The following RAB30 variants were observed in gnomAD, a reference collection of about 807,000 sequenced individuals.
RAB30 encodes ras-related protein Rab-30.
A neutral mutation model predicts 25.1 loss-of-function variants in RAB30; 9 were observed. That is an observed-to-expected ratio of 0.36 (90% confidence interval 0.22 to 0.63). The LOEUF is 0.63. Ranked by LOEUF, RAB30 falls within the 20% of genes least tolerant of loss-of-function variation. The probability of loss-of-function intolerance (pLI) is 0.69; values close to 1 mark genes in which losing one functional copy is unlikely to be tolerated. For synonymous variants in RAB30, 77 were observed against 86.4 expected, an observed-to-expected ratio of 0.89 and a Z score of 0.60; for missense variants, 140 against 243.5, an observed-to-expected ratio of 0.58 and a Z score of 2.83.
intron 1 of RAB30, among the ~76,000 whole-genome samples, chr11:83,048,038 G>A (rs955993283): frequency 8.5e-5 from 13 of 152,116 alleles, no homozygotes; most frequent in Non-Finnish European, 1.5e-4. Flanking sequence ...GAGGCCAGGA[G>A]TTTGAGATTG....
At chr11:82,998,772 T>G (rs1236915612) in intron 1 of RAB30, among the ~76,000 whole-genome samples, 1 of 151,580 alleles carries the variant, frequency 6.6e-6, no homozygotes, top group Non-Finnish European at 1.5e-5. Flanking sequence ...GCTCTTTTCT[T>G]AAGGTGTAGG....
chr11:83,007,341 A>G (rs1857205927), intron 1 of RAB30, among the ~76,000 whole-genome samples: 3 of 152,226 alleles, frequency 2.0e-5, no homozygotes, highest in African/African-American at 7.2e-5. Flanking sequence ...TTTTCAAGAT[A>G]TGCAAAAAGT....
In RAB30 at chr11:82,976,296, T is replaced by G. The variant is rs544276811; in HGVS notation, c.*5869A>C. 87 of 152,344 alleles carry G rather than the reference T, an allele frequency of 5.7e-4. No individual in the cohort carries two copies. The highest frequency in any genetic ancestry group is 2.0e-3 in the African/African-American group (82 of 41,584). 9.4% of individuals were successfully genotyped at this position (152,344 alleles called of 1,614,324 possible). ...GAACTAATATTTGAGTGCTAACTGT[T>G]TACCAAGCACTGTACTTTCAACTTA... is the stretch of plus-strand genomic sequence containing the variant. On this transcript the variant is annotated 3_prime_UTR_variant, in exon 5 of 5. Transcript: ENST00000527633.
chr11:82,988,024 AAG>A lies in RAB30; in HGVS notation c.178-256_178-255del, dbSNP rs139416107. Among the ~76,000 whole-genome samples the A allele has an allele frequency of 1.9e-4, 29 of 150,542 alleles. 2 individuals are homozygous for A. In the East Asian group the frequency reaches 5.5e-3, roughly 28 times the overall value. On this transcript the variant is annotated intron_variant, in intron 3 of 4. Transcript: ENST00000527633. The stretch of plus-strand genomic sequence containing the variant: ...TGTTTTGTTTTGTTTTTTCTTTGTT[AAG>A]AGTTTCCTTTTCATTCTTAAAAAAA...
chr11:83,009,075 C>G (rs957048160), intron 1 of RAB30, among the ~76,000 whole-genome samples: 2 of 148,866 alleles, frequency 1.3e-5, no homozygotes, highest in African/African-American at 5.2e-5. Flanking sequence ...AAGCGGGAAA[C>G]CTTTTTTTTT....
chr11:83,017,905 T>C (rs1857475218), intron 1 of RAB30, among the ~76,000 whole-genome samples: 1 of 152,238 alleles, frequency 6.6e-6, no homozygotes, highest in African/African-American at 2.4e-5. Flanking sequence ...AGTAGTGGCA[T>C]TGCTGGATCA....
chr11:83,011,766 G>C (rs764642359), intron 1 of RAB30, among the ~76,000 whole-genome samples: 9 of 152,152 alleles, frequency 5.9e-5, no homozygotes, highest in Non-Finnish European at 1.0e-4. Context: ...ACCAAGGCCA[G>C]ACTCTGGTAG....
In RAB30 at chr11:83,033,286, G is replaced by A. The variant is rs148675214; in HGVS notation, c.-8-35962C>T. On this transcript the variant is annotated intron_variant, in intron 1 of 4. Transcript: ENST00000527633. Reference sequence around the variant, plus strand: ...TCACCATGTTGGTCAGGCTGGTCTCGAACTCCTGACCTCAGGTGATCTGCT... The same window carrying A: ...TCACCATGTTGGTCAGGCTGGTCTCAAACTCCTGACCTCAGGTGATCTGCT... 4.7e-4 allele frequency among the ~76,000 whole-genome samples: 72 copies of A among 151,976 alleles called. No individual in the cohort carries two copies. In the East Asian group the frequency reaches 0.013, roughly 27 times the overall value.
intron 4 of RAB30, among the ~76,000 whole-genome samples, chr11:82,986,557 T>C (rs972809015): frequency 2.6e-5 from 4 of 152,204 alleles, no homozygotes; most frequent in Non-Finnish European, 5.9e-5. Context: ...CAAAAGGGTT[T>C]TACAGGGAGC....
chr11:82,998,711 GA>G (rs112489317), intron 1 of RAB30, among the ~76,000 whole-genome samples: 10,949 of 137,966 alleles, frequency 0.079, 1,217 homozygotes, highest in African/African-American at 0.26. Flanking sequence ...GTTAAATAAT[GA>G]AAAAAAAAAA....
chr11:83,035,855 T>A lies in RAB30; in HGVS notation c.-9+35836A>T, dbSNP rs559456001. On this transcript the variant is annotated intron_variant, in intron 1 of 4. Transcript: ENST00000527633. ...CCAGGCAAGTGTTACTTGCGGGAAG[T>A]CACAGGCATCTTATGGATCACACAC... Among the ~76,000 whole-genome samples the A allele has an allele frequency of 4.6e-5, 7 of 152,244 alleles. 1 individual carries two copies. The highest frequency in any genetic ancestry group is 1.3e-4 in the Admixed American group (2 of 15,294).
At chr11:83,031,141 T>C (rs1857848025) in intron 1 of RAB30, among the ~76,000 whole-genome samples, 1 of 152,240 alleles carries the variant, frequency 6.6e-6, no homozygotes, top group African/African-American at 2.4e-5. Context: ...ACCTTGATCT[T>C]GGACTCCTAG....
chr11:82,985,072 G>A (rs1278134211), intron 4 of RAB30, among the ~76,000 whole-genome samples: 4 of 152,248 alleles, frequency 2.6e-5, no homozygotes, highest in Non-Finnish European at 4.4e-5. Flanking sequence ...GTGTCTCCCA[G>A]GTTCAAGAGA....
Position 83,014,646 on chromosome 11 carries a change from GA to G in RAB30, c.-8-17323del, listed in dbSNP as rs1274942731. ...GAAAGAAGTAAGAAAAAGAAAGAAA[GA>G]AAGAAAGAAAGAAAGAAAGAAAGAA... is the stretch of plus-strand genomic sequence containing the variant. On this transcript the variant is annotated intron_variant, in intron 1 of 4. Transcript: ENST00000527633. Among the ~76,000 whole-genome samples, 263 of 109,456 alleles carry G rather than the reference GA, an allele frequency of 2.4e-3. 1 individual carries two copies. The highest frequency in any genetic ancestry group is 8.6e-3 in the Middle Eastern group (2 of 232). The allele number at this position is 109,456 out of a possible 152,430, so 71.8% of individuals were successfully genotyped here. A position where few individuals can be genotyped will look rare whatever the true frequency, so the allele number is the denominator to read the frequency against.
In RAB30 at chr11:82,978,739, T is replaced by A. The variant is rs148165787; in HGVS notation, c.*3426A>T. ...CACCAGTGTCCTCCCAAGGCATATA[T>A]TCATGAATGAAAGAAGATAAGAACC... On this transcript the variant is annotated 3_prime_UTR_variant, in exon 5 of 5. Coordinates refer to ENST00000527633, the MANE Select transcript of RAB30 (RefSeq NM_001286060.2). 6.6e-6 allele frequency: 1 copy of A among 152,280 alleles called. No individual in the cohort carries two copies. Among genetic ancestry groups the A allele is most frequent in the African/African-American group, 2.4e-5 (1 of 41,562 alleles). 9.4% of individuals were successfully genotyped at this position (152,280 alleles called of 1,614,324 possible).
chr11:83,031,127 C>T (rs1275881422), intron 1 of RAB30, among the ~76,000 whole-genome samples: 2 of 152,204 alleles, frequency 1.3e-5, no homozygotes, highest in East Asian at 3.9e-4. Flanking sequence ...CCAATCCTGC[C>T]AGCACCTTGA....
chr11:83,018,297 C>CA (rs904843218), intron 1 of RAB30, among the ~76,000 whole-genome samples: 3,235 of 67,512 alleles, frequency 0.048, 55 homozygotes, highest in Non-Finnish European at 0.064. Context: ...GACTCCATCT[C>CA]AAAAAAAAAA....
chr11:83,019,073 C>G (rs904494916), intron 1 of RAB30, among the ~76,000 whole-genome samples: 1 of 152,226 alleles, frequency 6.6e-6, no homozygotes, highest in Non-Finnish European at 1.5e-5. Flanking sequence ...GTCACCCAGG[C>G]TGGAATGCAG....
intron 1 of RAB30, among the ~76,000 whole-genome samples, chr11:83,043,726 G>A (rs763545055): frequency 2.7e-4 from 41 of 151,848 alleles, no homozygotes; most frequent in Non-Finnish European, 4.0e-4. Flanking sequence ...AGGGTTTTTT[G>A]GTTGTCCTTT....
Sources: allele counts gnomAD v4.1 joint callset (sites outside exome capture counted in the v4.1 genomes callset), GRCh38; gene constraint gnomAD v4.1.1; transcripts MANE v1.5; gene names NCBI Gene and HGNC (gene_info 2026-07-23, HGNC 2026-07-21).